The following COLGALT2 variants were observed in gnomAD, a reference collection of about 807,000 sequenced individuals.
COLGALT2 encodes the protein procollagen galactosyltransferase 2.
A neutral mutation model predicts 73.4 loss-of-function variants in COLGALT2; 49 were observed. That is an observed-to-expected ratio of 0.67 (90% CI 0.53 to 0.85). COLGALT2 has a LOEUF of 0.85. COLGALT2 is among the 40% of genes least tolerant of loss of function. The pLI is 0.00. For missense variants in COLGALT2, 722 were observed against 790.2 expected (o/e 0.91, Z 1.03); for synonymous variants, 295 against 307.6 (o/e 0.96, Z 0.43).
chr1:183,938,436 CTG>C lies in COLGALT2; in HGVS notation c.*323_*324del. On this transcript the variant is annotated 3_prime_UTR_variant, in exon 12 of 12. Transcript: ENST00000361927. ...TGATCACTTTCTCTTGAACAAGACTCTGAGCCATGTTGTTCAACCTTAATGTG... is the reference window on the plus strand; with the variant it reads ...TGATCACTTTCTCTTGAACAAGACTCAGCCATGTTGTTCAACCTTAATGTG... 8.8e-7 allele frequency: 1 copy of C among 1,130,562 alleles called. No individual in the cohort carries two copies. Among genetic ancestry groups the C allele is most frequent in the Non-Finnish European group, 1.1e-6 (1 of 920,242 alleles). 70.0% of individuals were successfully genotyped at this position (1,130,562 alleles called of 1,614,324 possible).
At chr1:184,014,874 GA>G (rs753876768) in intron 1 of COLGALT2, among the ~76,000 whole-genome samples, 2 of 152,154 alleles carry the variant, frequency 1.3e-5, no homozygotes, top group Non-Finnish European at 2.9e-5. Flanking sequence ...GTGATCTACT[GA>G]AAATGTCCAT....
chr1:183,949,885 A>G (rs1328820149), intron 8 of COLGALT2, among the ~76,000 whole-genome samples: 1 of 152,172 alleles, frequency 6.6e-6, no homozygotes, highest in Non-Finnish European at 1.5e-5. Flanking sequence ...CTACTCAACT[A>G]GTTTCCCTGG....
intron 6 of COLGALT2, among the ~76,000 whole-genome samples, chr1:183,963,083 C>T (rs1670760294): frequency 6.6e-6 from 1 of 152,178 alleles, no homozygotes; most frequent in Non-Finnish European, 1.5e-5. Context: ...TGGTTACTTT[C>T]TCTTTTAGCC....
chr1:184,006,623 T>TAAA (rs1553322151), intron 1 of COLGALT2, among the ~76,000 whole-genome samples: 9 of 151,172 alleles, frequency 6.0e-5, no homozygotes, highest in African/African-American at 1.5e-4. Context: ...ATAATAATAA[T>TAAA]AAAAAGATTA....
In COLGALT2 at chr1:183,969,279, G is replaced by A; in HGVS notation, c.822C>T (p.Ser274=). ...FDDIIVFAFS[S]RQAGIQMYLC... is the part of the protein sequence containing the mutation. ...AAAGACAAACAGTACCTGCTTGCCTGCTGGAGAAGGCAAAGACAATGATGT... is the reference window on the plus strand; with the variant it reads ...AAAGACAAACAGTACCTGCTTGCCTACTGGAGAAGGCAAAGACAATGATGT... The change falls in exon 5 of 12, where the codon AGC becomes AGT. Residue 274 remains serine (S), a synonymous_variant. Coordinates refer to ENST00000361927, the MANE Select transcript of COLGALT2 (RefSeq NM_015101.4). 1.2e-6 allele frequency: 2 copies of A among 1,611,322 alleles called. No individual in the cohort carries two copies. The highest frequency in any genetic ancestry group is 2.2e-5 in the South Asian group (2 of 90,518).
At chr1:183,974,838 T>C (rs1452617650) in intron 3 of COLGALT2, among the ~76,000 whole-genome samples, 4 of 152,232 alleles carry the variant, frequency 2.6e-5, no homozygotes, top group Admixed American at 2.0e-4. Flanking sequence ...AGAGTTCTTA[T>C]GCCTGTTGCA....
chr1:183,994,026 C>CTTTTTT (rs869129633), intron 1 of COLGALT2, among the ~76,000 whole-genome samples: 26 of 70,042 alleles, frequency 3.7e-4, no homozygotes, highest in Non-Finnish European at 5.7e-4. Flanking sequence ...TCTTGTAATT[C>CTTTTTT]TTTTTTTTTT....
chr1:183,991,203 T>C (rs1272820754), intron 1 of COLGALT2, among the ~76,000 whole-genome samples: 1 of 152,224 alleles, frequency 6.6e-6, no homozygotes, highest in Admixed American at 6.5e-5. Flanking sequence ...GCTTGTTGAA[T>C]GACTAAGTGA....
intron 2 of COLGALT2, among the ~76,000 whole-genome samples, chr1:183,977,841 G>GAGAGAGAGAGAGAGAGAGAA (rs1558322952): frequency 6.0e-5 from 8 of 134,076 alleles, no homozygotes; most frequent in African/African-American, 2.1e-4. Context: ...AGAGAAAGAA[G>GAGAGAGAGAGAGAGAGAGAA]AGAAGAGAAG....
At chr1:183,957,220 C>T (rs1212414570) in intron 6 of COLGALT2, among the ~76,000 whole-genome samples, 2 of 151,940 alleles carry the variant, frequency 1.3e-5, no homozygotes, top group African/African-American at 4.8e-5. Context: ...TCACATGTAC[C>T]ATGGGATATG....
At chr1:183,960,795 G>A (rs1218004055) in intron 6 of COLGALT2, among the ~76,000 whole-genome samples, 1 of 151,970 alleles carries the variant, frequency 6.6e-6, no homozygotes, top group Non-Finnish European at 1.5e-5. Context: ...AGCTATTGTT[G>A]TGTTAGTATA....
rs551876337 is a variant in COLGALT2 at position 183,944,766 on chromosome 1, G to T, written c.1270-443C>A. ...AACATGGGTGTGTTGTTTGGTTTGT[G>T]AAATTTCCCTGAGCTGTATCTTTTG... On this transcript the variant is annotated intron_variant, in intron 9 of 11. Transcript: ENST00000361927. 2.0e-5 allele frequency among the ~76,000 whole-genome samples: 3 copies of T among 152,276 alleles called. No individual in the cohort carries two copies. In the East Asian group the frequency reaches 5.8e-4, roughly 29 times the overall value.
intron 1 of COLGALT2, among the ~76,000 whole-genome samples, chr1:184,025,599 T>C (rs1375525037): frequency 3.9e-5 from 6 of 152,218 alleles, no homozygotes; most frequent in Non-Finnish European, 8.8e-5. Flanking sequence ...GCTGCTTCTC[T>C]ACCTGGTGCA....
At chr1:183,997,304 C>A (rs1043470282) in intron 1 of COLGALT2, among the ~76,000 whole-genome samples, 1 of 152,022 alleles carries the variant, frequency 6.6e-6, no homozygotes, top group African/African-American at 2.4e-5. Context: ...ATTATATAGA[C>A]GTTTAAGAGA....
chr1:183,976,124 A>G (rs2102818015), intron 2 of COLGALT2, among the ~76,000 whole-genome samples: 1 of 152,238 alleles, frequency 6.6e-6, no homozygotes, highest in South Asian at 2.1e-4. Context: ...ATTTTTTCAC[A>G]CTGACCTTGG....
At chr1:183,949,367 C>T (rs914822047) in intron 8 of COLGALT2, among the ~76,000 whole-genome samples, 1 of 152,196 alleles carries the variant, frequency 6.6e-6, no homozygotes, top group Non-Finnish European at 1.5e-5. Context: ...ATAGTACTGG[C>T]ATAAGGATAG....
chr1:184,035,889 G>T (rs944677469), intron 1 of COLGALT2, among the ~76,000 whole-genome samples: 3 of 152,176 alleles, frequency 2.0e-5, no homozygotes, highest in Non-Finnish European at 4.4e-5. Flanking sequence ...TAGTAAAGCA[G>T]TGTACAGCAC....
chr1:183,947,629 A>G (rs1670286046), intron 8 of COLGALT2, among the ~76,000 whole-genome samples: 1 of 152,190 alleles, frequency 6.6e-6, no homozygotes, highest in Non-Finnish European at 1.5e-5. Flanking sequence ...ACAGCTGCAA[A>G]TGTCTCTAGT....
chr1:183,952,416 T>A (rs1163214048), intron 7 of COLGALT2, among the ~76,000 whole-genome samples: 1 of 152,160 alleles, frequency 6.6e-6, no homozygotes, highest in Non-Finnish European at 1.5e-5. Context: ...ATCTTTCAAA[T>A]TCAGTACAGA....
Sources: gnomAD v4.1 joint callset for allele counts (sites outside exome capture counted in the v4.1 genomes callset) on GRCh38, gnomAD v4.1.1 for gene constraint, MANE v1.5 for transcripts, NCBI Gene and HGNC (gene_info 2026-07-23, HGNC 2026-07-21) for gene names.